Variants in SPMAP2L observed in about 807,000 individuals in gnomAD.
The protein encoded by SPMAP2L is sperm microtubule associated protein 2 like, also known as sperm microtubule associated protein 2-like.
At chr4:56,610,080 T>A in the SPMAP2L span, among the ~76,000 whole-genome samples, 4 of 152,054 alleles carry the variant, frequency 2.6e-5, no homozygotes. Flanking sequence ...CCATCATTCT[T>A]CACAGAATTA....
At chr4:56,578,735 G>A in the SPMAP2L span, among the ~76,000 whole-genome samples, 1 of 152,006 alleles carries the variant, frequency 6.6e-6, no homozygotes, top group African/African-American at 2.4e-5. Context: ...GACAAACATT[G>A]TTACTAAAGA....
chr4:56,555,983 T>C, the SPMAP2L span, among the ~76,000 whole-genome samples: 1 of 152,178 alleles, frequency 6.6e-6, no homozygotes, highest in Non-Finnish European at 1.5e-5. Context: ...GTCAAAATCT[T>C]GGAACACTCA....
the SPMAP2L span, among the ~76,000 whole-genome samples, chr4:56,573,745 G>A: frequency 6.6e-6 from 1 of 152,182 alleles, no homozygotes; most frequent in Admixed American, 6.5e-5. Flanking sequence ...GTGAGTCAGT[G>A]CAGTTGGGCA....
At chr4:56,578,950 C>A in the SPMAP2L span, among the ~76,000 whole-genome samples, 1 of 151,584 alleles carries the variant, frequency 6.6e-6, no homozygotes, top group Non-Finnish European at 1.5e-5. Flanking sequence ...GGAAAGATAA[C>A]AACTATAAAC....
chr4:56,609,050 C>CTTTTT, the SPMAP2L span, among the ~76,000 whole-genome samples: 7 of 115,612 alleles, frequency 6.1e-5, no homozygotes, highest in African/African-American at 1.9e-4. Flanking sequence ...TTCTTTCTTT[C>CTTTTT]TTTTTTTTTT....
chr4:56,603,254 C>A, the SPMAP2L span: 2 of 1,534,836 alleles, frequency 1.3e-6, no homozygotes, highest in African/African-American at 1.4e-5. Flanking sequence ...TCTTTAAAAC[C>A]AAGCCAGCTG....
At chr4:56,616,927 C>T in the SPMAP2L span, among the ~76,000 whole-genome samples, 3 of 152,144 alleles carry the variant, frequency 2.0e-5, no homozygotes, top group African/African-American at 7.2e-5. Context: ...GATCTACCCC[C>T]TTAACAGATT....
chr4:56,592,751 C>G, the SPMAP2L span, among the ~76,000 whole-genome samples: 21 of 152,092 alleles, frequency 1.4e-4, 1 homozygote, highest in African/African-American at 5.1e-4. Context: ...GTGCTGGGCG[C>G]CGTGGGGCCG....
chr4:56,532,019 C>G, the SPMAP2L span, among the ~76,000 whole-genome samples: 10 of 152,320 alleles, frequency 6.6e-5, no homozygotes, highest in South Asian at 2.1e-3. Flanking sequence ...TCCATCTACT[C>G]GCTTCCTACA....
At chr4:56,531,244 C>A in the SPMAP2L span, 5 of 1,450,516 alleles carry the variant, frequency 3.4e-6, no homozygotes, top group Non-Finnish European at 4.5e-6. Flanking sequence ...AGCACCCACG[C>A]CCCATCTAGA....
At chr4:56,589,441 T>G in the SPMAP2L span, among the ~76,000 whole-genome samples, 1 of 152,216 alleles carries the variant, frequency 6.6e-6, no homozygotes, top group Admixed American at 6.5e-5. Flanking sequence ...CATATGAATT[T>G]TAGAATTGTT....
At chr4:56,578,428 C>G in the SPMAP2L span, among the ~76,000 whole-genome samples, 1 of 151,442 alleles carries the variant, frequency 6.6e-6, no homozygotes, top group African/African-American at 2.4e-5. Context: ...AATGAAAGAA[C>G]AAAGGAACAA....
the SPMAP2L span, among the ~76,000 whole-genome samples, chr4:56,536,667 A>C: frequency 6.6e-6 from 1 of 152,214 alleles, no homozygotes; most frequent in East Asian, 1.9e-4. Flanking sequence ...AAAAAGATTC[A>C]AAGAGTTAAT....
the SPMAP2L span, chr4:56,531,242 C>A: frequency 6.9e-7 from 1 of 1,453,368 alleles, no homozygotes; most frequent in Non-Finnish European, 9.1e-7. Flanking sequence ...TGAGCACCCA[C>A]GCCCCATCTA....
At chr4:56,617,559 T>C in the SPMAP2L span, among the ~76,000 whole-genome samples, 9 of 152,120 alleles carry the variant, frequency 5.9e-5, no homozygotes, top group African/African-American at 2.2e-4. Context: ...ATGGGCAGGG[T>C]GTTGGGCTCT....
chr4:56,566,850 C>A, the SPMAP2L span, among the ~76,000 whole-genome samples: 14 of 151,874 alleles, frequency 9.2e-5, no homozygotes, highest in East Asian at 3.9e-4. Context: ...GCATGCGCAA[C>A]CACGTCCAGC....
At chr4:56,550,040 A>G in the SPMAP2L span, among the ~76,000 whole-genome samples, 1 of 152,200 alleles carries the variant, frequency 6.6e-6, no homozygotes, top group Non-Finnish European at 1.5e-5. Context: ...TTTTATTTTC[A>G]TCTACTTTTT....
chr4:56,549,015 G>A, the SPMAP2L span, among the ~76,000 whole-genome samples: 2 of 146,690 alleles, frequency 1.4e-5, no homozygotes, highest in African/African-American at 5.1e-5. Context: ...TTGAGACAGA[G>A]TCTCGCTCTG....
At chr4:56,595,470 C>T in the SPMAP2L span, 110 of 1,599,000 alleles carry the variant, frequency 6.9e-5, 1 homozygote, top group African/African-American at 5.3e-4. Context: ...AGGGCCGCAT[C>T]GACCCCAGGG....
Sources: allele counts gnomAD v4.1 joint callset (sites outside exome capture counted in the v4.1 genomes callset), GRCh38; gene constraint gnomAD v4.1.1; transcripts MANE v1.5; gene names NCBI Gene and HGNC (gene_info 2026-07-23, HGNC 2026-07-21).